The following NLRC5 variants were observed in gnomAD, a reference collection of about 807,000 sequenced individuals.
NLRC5 encodes NLR family CARD domain containing 5.
In NLRC5, 114 loss-of-function variants were observed where a neutral mutation model predicts 206.9. That is an observed-to-expected ratio of 0.55 (90% confidence interval 0.47 to 0.64). The LOEUF (loss-of-function observed/expected upper bound fraction) is 0.64. Among genes scored for constraint, NLRC5 ranks in the 30% least tolerant of loss-of-function variants. The pLI is 0.00. For synonymous variants in NLRC5, 952 were observed against 962.8 expected (o/e 0.99, Z 0.21); for missense variants, 2,008 against 2,305.5 (o/e 0.87, Z 2.64).
At chr16:57,066,840 C>T (rs969490063) in intron 34 of NLRC5, among the ~76,000 whole-genome samples, 42 of 152,236 alleles carry the variant, frequency 2.8e-4, no homozygotes, top group African/African-American at 9.6e-4. Flanking sequence ...CGAACACCAT[C>T]TTGCTTAGAC....
chr16:57,077,711 T>G lies in NLRC5; in HGVS notation c.4920-8T>G, dbSNP rs774919422. ...TCAGAGGACCTGATGGCTGCCCCCCTCCCACAGCCTCTCAGGGAATAGCAT... is the reference window on the plus strand; with the variant it reads ...TCAGAGGACCTGATGGCTGCCCCCCGCCCACAGCCTCTCAGGGAATAGCAT... On this transcript the variant is annotated splice_polypyrimidine_tract_variant and splice_region_variant and intron_variant, in intron 41 of 48. Transcript: ENST00000688547. The G allele has an allele frequency of 1.9e-6, 3 of 1,561,078 alleles. No homozygotes were observed. In the East Asian group the frequency reaches 6.8e-5, roughly 35 times the overall value.
intron 24 of NLRC5, among the ~76,000 whole-genome samples, 155 bp from the exon 25 acceptor site, chr16:57,054,596 G>A (rs1376045641): frequency 6.6e-6 from 1 of 150,504 alleles, no homozygotes; most frequent in African/African-American, 2.5e-5. Flanking sequence ...AAATCTGCCT[G>A]TCCCTCAGCC....
chr16:57,054,695 G>T lies in NLRC5; in HGVS notation c.3507-56G>T, dbSNP rs528206281. 1.6e-4 allele frequency: 205 copies of T among 1,296,898 alleles called. 2 individuals are homozygous for T. In the South Asian group the frequency reaches 2.2e-3, roughly 14 times the overall value. The allele number at this position is 1,296,898 out of a possible 1,614,324, so 80.3% of individuals were successfully genotyped here. On this transcript the variant is annotated intron_variant, in intron 24 of 48. Transcript: ENST00000688547. ...CACCCTCCCTTTCCTTACCCTCCAG[G>T]CTAGCCAGGTTCCTTGTCCACTCAT...
At chr16:57,043,155 C>A (rs1329770336) in intron 19 of NLRC5, among the ~76,000 whole-genome samples, 1 of 152,114 alleles carries the variant, frequency 6.6e-6, no homozygotes, top group Non-Finnish European at 1.5e-5. Context: ...GCACAAGAGA[C>A]CCTGCATTTT....
chr16:57,039,965 G>C (rs2063077991), intron 16 of NLRC5, 116 bp downstream of exon 16: 5 of 900,868 alleles, frequency 5.6e-6, no homozygotes, highest in Non-Finnish European at 8.8e-6. Flanking sequence ...CAAATTCACG[G>C]AAGAGCGGGA....
intron 41 of NLRC5, 149 bp downstream of exon 41, chr16:57,077,528 A>G: frequency 2.2e-6 from 2 of 913,656 alleles, no homozygotes; most frequent in Middle Eastern, 3.2e-4. Flanking sequence ...CCTGGCCCTC[A>G]CTGCGGGACC....
At chr16:57,027,869 G>T (rs1464296350) in intron 6 of NLRC5, among the ~76,000 whole-genome samples, 2 of 152,208 alleles carry the variant, frequency 1.3e-5, no homozygotes, top group African/African-American at 4.8e-5. Context: ...TGTGATCTCT[G>T]GCTGGGAAAC....
chr16:57,040,027 C>T (rs1356192880), intron 16 of NLRC5, among the ~76,000 whole-genome samples, 178 bp downstream of exon 16: 1 of 152,114 alleles, frequency 6.6e-6, no homozygotes, highest in East Asian at 1.9e-4. Context: ...GGTCCAAATC[C>T]AGACCACCTC....
chr16:56,999,417 C>A (rs550768985), intron 1 of NLRC5, among the ~76,000 whole-genome samples: 12 of 152,250 alleles, frequency 7.9e-5, no homozygotes, highest in Non-Finnish European at 1.8e-4. Context: ...CACTTCCCAG[C>A]CTGCAGCTCT....
At position 57,082,726 on chromosome 16, in the gene NLRC5, G is replaced by A; in HGVS notation, c.*198G>A. The A allele has an allele frequency of 1.8e-6, 1 of 543,882 alleles. No individual in the cohort carries two copies. Among genetic ancestry groups the A allele is most frequent in the Non-Finnish European group, 3.3e-6 (1 of 305,800 alleles). The allele number at this position is 543,882 out of a possible 1,614,324, so 33.7% of individuals were successfully genotyped here. On this transcript the variant is annotated 3_prime_UTR_variant, in exon 49 of 49. Transcript: ENST00000688547. ...GAACCAGGAGCTGGGTCTGGACAAA[G>A]GAGTACCCTGCATTACGTGGGATAT...
At chr16:57,028,269 C>T (rs370317927) in intron 7 of NLRC5, 33 bp from the exon 8 acceptor site, 33 of 1,603,508 alleles carry the variant, frequency 2.1e-5, no homozygotes, top group Admixed American at 2.0e-4. Flanking sequence ...TTCCCCTCCT[C>T]GTTCCTCCCC....
intron 3 of NLRC5, 57 bp from the exon 4 acceptor site, chr16:57,022,199 G>C: frequency 6.7e-7 from 1 of 1,502,610 alleles, no homozygotes; most frequent in Non-Finnish European, 9.2e-7. Flanking sequence ...GGCCAGAGCT[G>C]GTCCCCAGCA....
chr16:57,076,996 C>T (rs2068484752), intron 40 of NLRC5, 94 bp downstream of exon 40: 1 of 1,082,348 alleles, frequency 9.2e-7, no homozygotes, highest in Admixed American at 1.8e-5. Context: ...TTTGCTTCTT[C>T]ATCTCATCTC....
intron 1 of NLRC5, among the ~76,000 whole-genome samples, chr16:57,014,331 A>G (rs1161730920): frequency 1.3e-5 from 2 of 151,888 alleles, no homozygotes; most frequent in African/African-American, 4.8e-5. Context: ...ATTTTTTTCC[A>G]TTTTTAATCC....
In NLRC5 at chr16:57,067,342, C is replaced by G. The variant is rs766134494; in HGVS notation, c.4323-45C>G. 25 of 1,506,934 alleles carry G rather than the reference C, an allele frequency of 1.7e-5. No individual in the cohort carries two copies. In the South Asian group the frequency reaches 2.7e-4, roughly 16 times the overall value. The allele number at this position is 1,506,934 out of a possible 1,614,324, so 93.3% of individuals were successfully genotyped here. On this transcript the variant is annotated intron_variant, in intron 34 of 48. Transcript: ENST00000688547. The stretch of plus-strand genomic sequence containing the variant: ...GCAGGCAGATACTGAATCCCACATA[C>G]TGGACTAGATGTTCCAAAACTGTCG...
chr16:57,000,592 C>T (rs879234645), intron 1 of NLRC5, among the ~76,000 whole-genome samples: 2 of 152,176 alleles, frequency 1.3e-5, no homozygotes, highest in Admixed American at 1.3e-4. Context: ...GTGACCTAGG[C>T]AGGTCCCTTT....
chr16:57,051,538 A>G lies in NLRC5; in HGVS notation c.3423A>G (p.Gln1141=). 6.2e-7 allele frequency: 1 copy of G among 1,612,098 alleles called. No homozygotes were observed. Among genetic ancestry groups the G allele is most frequent in the South Asian group, 1.1e-5 (1 of 91,038 alleles). The change falls in exon 24 of 49, where the codon CAA becomes CAG. Residue 1141 remains glutamine, a splice_region_variant and synonymous_variant. Transcript: ENST00000688547. ...LKDCPGPLEL[Q]LSCEFLSDQS... ...CTCATCCACCTGCTTTGTTTCACAG[A>G]TTGTCCTGTGAGTTCCTGAGTGACC...
intron 5 of NLRC5, among the ~76,000 whole-genome samples, chr16:57,025,063 C>G (rs1354258876): frequency 1.3e-5 from 2 of 152,154 alleles, no homozygotes; most frequent in African/African-American, 4.8e-5. Context: ...TCCCCTCCCC[C>G]CATCTTACTG....
Position 57,025,437 on chromosome 16 carries a change from G to C in NLRC5, c.494G>C (p.Gly165Ala). The change falls in exon 6 of 49, where the codon GGG becomes GCG. Residue 165 changes from glycine (G) to alanine (A), a missense_variant. Transcript: ENST00000688547. ...CAGCGCTACAGGAGCCAAATCCCTG[G>C]GTCAGGGCAGCCCCACGCCTTCCAC... ...AQQRYRSQIP[G>A]SGQPHAFHQV... 6.3e-7 allele frequency: 1 copy of C among 1,598,340 alleles called. No individual in the cohort carries two copies. Among genetic ancestry groups the C allele is most frequent in the South Asian group, 1.1e-5 (1 of 88,648 alleles).
Sources: gnomAD v4.1 joint callset for allele counts (sites outside exome capture counted in the v4.1 genomes callset) on GRCh38, gnomAD v4.1.1 for gene constraint, MANE v1.5 for transcripts, NCBI Gene and HGNC (gene_info 2026-07-23, HGNC 2026-07-21) for gene names.